ACTN4: variants seen among roughly 807,000 people sequenced by gnomAD.
ACTN4 encodes actinin alpha 4.
In ACTN4, 18 loss-of-function variants were observed where a neutral mutation model predicts 114.2. That is an observed-to-expected ratio of 0.16 (90% confidence interval 0.11 to 0.23). The LOEUF (loss-of-function observed/expected upper bound fraction) is 0.23, where lower values mean the gene tolerates loss of function less well. Among genes scored for constraint, ACTN4 ranks in the 10% least tolerant of loss-of-function variants. The pLI is 1.00. For synonymous variants in ACTN4, 515 were observed against 506.3 expected, an observed-to-expected ratio of 1.02 and a Z score of -0.23; for missense variants, 722 against 1,262.9, an observed-to-expected ratio of 0.57 and a Z score of 6.49.
intron 1 of ACTN4, among the ~76,000 whole-genome samples, chr19:38,672,059 C>T (rs376965426): frequency 1.3e-5 from 2 of 152,000 alleles, no homozygotes; most frequent in East Asian, 3.9e-4. Context: ...ACTTCATTGT[C>T]CTGCTGGCCT....
intron 11 of ACTN4, among the ~76,000 whole-genome samples, chr19:38,718,726 C>T (rs1445020068): frequency 6.6e-6 from 1 of 152,184 alleles, no homozygotes; most frequent in East Asian, 1.9e-4. Context: ...CTGTTTGTCC[C>T]CTCTGCGTGT....
Position 38,701,026 on chromosome 19 carries a change from G to A in ACTN4, c.302G>A (p.Arg101Gln), listed in dbSNP as rs138769040. Reference sequence around the variant, plus strand: ...GGGGAGCGGTTACCTAAGCCGGAGCGGGGGAAGATGAGAGTGCACAAAATC... The same window carrying A: ...GGGGAGCGGTTACCTAAGCCGGAGCAGGGGAAGATGAGAGTGCACAAAATC... ...ISGERLPKPE[R>Q]GKMRVHKINN... The change falls in exon 3 of 21, where the codon CGG becomes CAG. Residue 101 changes from arginine to glutamine, a missense_variant. Physicochemically the swap from Arg to Gln is conservative, Grantham distance 43. Coordinates refer to ENST00000252699, the MANE Select transcript of ACTN4 (RefSeq NM_004924.6). The A allele has an allele frequency of 1.2e-6, 2 of 1,614,020 alleles. No homozygotes were observed. Among genetic ancestry groups the A allele is most frequent in the South Asian group, 1.1e-5 (1 of 91,074 alleles).
intron 11 of ACTN4, among the ~76,000 whole-genome samples, chr19:38,720,206 G>T (rs2145075666): frequency 6.6e-6 from 1 of 152,310 alleles, no homozygotes; most frequent in East Asian, 1.9e-4. Flanking sequence ...GCAGCGGGAG[G>T]GTCGTCGTGG....
At chr19:38,684,978 G>A (rs550687676) in intron 1 of ACTN4, among the ~76,000 whole-genome samples, 10 of 151,992 alleles carry the variant, frequency 6.6e-5, no homozygotes, top group South Asian at 6.2e-4. Flanking sequence ...ACGGAATCTC[G>A]CTCTTTAGCC....
At chr19:38,710,158 C>T in intron 7 of ACTN4, 99 bp from the exon 8 acceptor site, 2 of 1,269,948 alleles carry the variant, frequency 1.6e-6, no homozygotes, top group Non-Finnish European at 2.3e-6. Flanking sequence ...AGGTCCCTCT[C>T]CCCCAAGGCC....
At chr19:38,655,916 G>A (rs532022618) in intron 1 of ACTN4, among the ~76,000 whole-genome samples, 1 of 152,288 alleles carries the variant, frequency 6.6e-6, no homozygotes, top group South Asian at 2.1e-4. Context: ...GTTACACTGT[G>A]CTGTTTAGGA....
Position 38,729,621 on chromosome 19 carries a change from C to T in ACTN4, c.*189C>T, listed in dbSNP as rs754513197. On this transcript the variant is annotated 3_prime_UTR_variant, in exon 21 of 21. Transcript: ENST00000252699. ...CTTTGTGGGTTGGCCAGGAGGTTCC[C>T]CCGACCAGGTTGGGGAGACTTGGGG... 4.7e-6 allele frequency: 4 copies of T among 858,046 alleles called. No homozygotes were observed. Among genetic ancestry groups the T allele is most frequent in the Non-Finnish European group, 7.6e-6 (4 of 528,692 alleles). The allele number at this position is 858,046 out of a possible 1,614,324, so 53.2% of individuals were successfully genotyped here. A position where few individuals can be genotyped will look rare whatever the true frequency, so the allele number is the denominator to read the frequency against.
chr19:38,688,896 A>C (rs1967832912), intron 1 of ACTN4, among the ~76,000 whole-genome samples: 1 of 152,192 alleles, frequency 6.6e-6, no homozygotes, highest in Non-Finnish European at 1.5e-5. Context: ...ACAGTCTGGC[A>C]GTTCCTCAAA....
intron 13 of ACTN4, 86 bp from the exon 14 acceptor site, chr19:38,723,851 G>C (rs1969132798): frequency 6.6e-7 from 1 of 1,526,288 alleles, no homozygotes; most frequent in Admixed American, 1.8e-5. Flanking sequence ...GACTCCTCAG[G>C]GCCCTCTGGA....
At chr19:38,660,137 G>C (rs1976837117) in intron 1 of ACTN4, among the ~76,000 whole-genome samples, 1 of 152,116 alleles carries the variant, frequency 6.6e-6, no homozygotes, top group African/African-American at 2.4e-5. Flanking sequence ...GGCCAGGCTG[G>C]TCTCCAACTC....
chr19:38,682,151 G>C (rs1178214153), intron 1 of ACTN4, among the ~76,000 whole-genome samples: 1 of 151,866 alleles, frequency 6.6e-6, no homozygotes, highest in African/African-American at 2.4e-5. Context: ...CAGATTTAAA[G>C]CAAAGAGGAT....
rs1263204 is a variant in ACTN4, at chr19:38,696,528, A to C, written c.163-4072A>C. 1.4e-3 allele frequency among the ~76,000 whole-genome samples: 219 copies of C among 152,232 alleles called. 1 individual carries two copies. The East Asian group carries it at 0.036, about 25-fold the overall frequency. On this transcript the variant is annotated intron_variant, in intron 1 of 20. Transcript: ENST00000252699. Reference sequence around the variant, plus strand: ...TGTTATTTTTGTAACCAAGTAGAAGAAGCGATGAATTTTTAATGTCCCATT... The same window carrying C: ...TGTTATTTTTGTAACCAAGTAGAAGCAGCGATGAATTTTTAATGTCCCATT...
intron 1 of ACTN4, among the ~76,000 whole-genome samples, chr19:38,672,870 G>C (rs1420609801): frequency 6.6e-6 from 1 of 151,968 alleles, no homozygotes; most frequent in Non-Finnish European, 1.5e-5. Flanking sequence ...ACCATGCCCG[G>C]CCCCTGTAAC....
At chr19:38,723,590 C>T (rs1210866417) in intron 12 of ACTN4, 24 bp from the exon 13 acceptor site, 2 of 1,567,118 alleles carry the variant, frequency 1.3e-6, no homozygotes, top group Non-Finnish European at 1.7e-6. Context: ...TGCCGAGTCT[C>T]ATTGCTCTCT....
In ACTN4 at chr19:38,673,506, TGAATATATA is replaced by T. The variant is rs1303068740; in HGVS notation, c.162+25600_162+25608del. The stretch of plus-strand genomic sequence containing the variant: ...ATATATTCATATATATTTATATATA[TGAATATATA>T]TTTATATATATTCATATATACTTAT... On this transcript the variant is annotated intron_variant, in intron 1 of 20. Transcript: ENST00000252699. Among the ~76,000 whole-genome samples the T allele has an allele frequency of 1.6e-4, 14 of 86,592 alleles. 2 individuals are homozygous for T. The highest frequency in any genetic ancestry group is 4.8e-4 in the African/African-American group (12 of 24,746). The allele number at this position is 86,592 out of a possible 152,430, so 56.8% of individuals were successfully genotyped here. A position where few individuals can be genotyped will look rare whatever the true frequency, so the allele number is the denominator to read the frequency against.
chr19:38,684,064 T>C (rs1967662013), intron 1 of ACTN4: 1 of 152,876 alleles, frequency 6.5e-6, no homozygotes, highest in South Asian at 2.1e-4. Context: ...TGAGTTTAGT[T>C]TGGGGGTTGC....
intron 1 of ACTN4, among the ~76,000 whole-genome samples, chr19:38,671,414 T>C (rs1967124517): frequency 6.6e-6 from 1 of 152,206 alleles, no homozygotes; most frequent in Non-Finnish European, 1.5e-5. Flanking sequence ...TTTCTATTAA[T>C]AAATGAACTG....
At chr19:38,682,393 C>T (rs1418908679) in intron 1 of ACTN4, among the ~76,000 whole-genome samples, 1 of 151,458 alleles carries the variant, frequency 6.6e-6, no homozygotes, top group Non-Finnish European at 1.5e-5. Flanking sequence ...CTATGTTGCC[C>T]AGGCTGGATT....
chr19:38,704,901 C>T (rs766843041), intron 3 of ACTN4, 33 bp from the exon 4 acceptor site: 6 of 1,603,352 alleles, frequency 3.7e-6, no homozygotes, highest in East Asian at 2.2e-5. Flanking sequence ...GTTTTAACGA[C>T]CTTCTGCCCT....
Sources: allele counts gnomAD v4.1 joint callset (sites outside exome capture counted in the v4.1 genomes callset), GRCh38; gene constraint gnomAD v4.1.1; transcripts MANE v1.5; gene names NCBI Gene and HGNC (gene_info 2026-07-23, HGNC 2026-07-21).